The following UBAC2 variants were observed in gnomAD, a reference collection of about 807,000 sequenced individuals.
UBAC2 encodes UBA domain containing 2.
Under a neutral mutation model 44.0 loss-of-function variants are expected in UBAC2, and 26 were observed. The observed-to-expected ratio is 0.59, with a 90% CI of 0.43 to 0.82. The LOEUF (loss-of-function observed/expected upper bound fraction) is 0.82. Among genes scored for constraint, UBAC2 ranks in the 40% least tolerant of loss-of-function variants. The probability of loss-of-function intolerance (pLI) is 0.00; values close to 1 mark genes in which losing one functional copy is unlikely to be tolerated. For synonymous variants in UBAC2, 155 were observed against 154.3 expected, an observed-to-expected ratio of 1.00 and a Z score of -0.04; for missense variants, 329 against 419.4, an observed-to-expected ratio of 0.78 and a Z score of 1.88.
At chr13:99,242,699 C>G (rs12866777) in intron 2 of UBAC2, among the ~76,000 whole-genome samples, 1 of 140,960 alleles carries the variant, frequency 7.1e-6, no homozygotes, top group African/African-American at 2.6e-5. Context: ...CCCCCACCTC[C>G]CTCCCCGACG....
chr13:99,242,506 C>T (rs2043319304), intron 2 of UBAC2, among the ~76,000 whole-genome samples: 1 of 140,010 alleles, frequency 7.1e-6, no homozygotes, highest in Non-Finnish European at 1.6e-5. Flanking sequence ...GGGCGGGGGG[C>T]TGCCCCCCCC....
intron 3 of UBAC2, 40 bp from the exon 4 acceptor site, chr13:99,244,475 A>T (rs774323234): frequency 7.3e-6 from 10 of 1,370,278 alleles, no homozygotes; most frequent in Non-Finnish European, 1.0e-5. Context: ...TATTTTTAGG[A>T]GACTCATCTC....
chr13:99,328,336 T>A (rs988912042), intron 6 of UBAC2, among the ~76,000 whole-genome samples: 3 of 152,218 alleles, frequency 2.0e-5, no homozygotes, highest in Non-Finnish European at 4.4e-5. Flanking sequence ...CACATTTGTG[T>A]GTGGACATAT....
At chr13:99,281,923 C>T (rs1202153934) in intron 4 of UBAC2, among the ~76,000 whole-genome samples, 1 of 152,138 alleles carries the variant, frequency 6.6e-6, no homozygotes, top group Non-Finnish European at 1.5e-5. Context: ...CCTAATGTAT[C>T]CAGTTTAAAA....
At chr13:99,236,884 T>C (rs2043239843) in intron 1 of UBAC2, among the ~76,000 whole-genome samples, 1 of 151,804 alleles carries the variant, frequency 6.6e-6, no homozygotes, top group South Asian at 2.1e-4. Context: ...AAACAGAGGC[T>C]GGCCAGGATG....
intron 7 of UBAC2, among the ~76,000 whole-genome samples, chr13:99,355,349 A>T (rs534731972): frequency 6.6e-6 from 1 of 152,306 alleles, no homozygotes; most frequent in African/African-American, 2.4e-5. Context: ...TTCCATTCTT[A>T]TGTCTTCAAG....
chr13:99,379,156 AGC>A (rs2045519014), intron 8 of UBAC2, among the ~76,000 whole-genome samples: 2 of 152,272 alleles, frequency 1.3e-5, no homozygotes, highest in African/African-American at 4.8e-5. Flanking sequence ...GCTTGAAAAC[AGC>A]AAGGACACAA....
In UBAC2 at chr13:99,338,047, C is replaced by CTTTTTT. The variant is rs869112086; in HGVS notation, c.562-2250_562-2245dup. 1.4e-3 allele frequency among the ~76,000 whole-genome samples: 66 copies of CTTTTTT among 48,858 alleles called. 3 individuals carry two copies. The highest frequency in any genetic ancestry group is 4.8e-3 in the East Asian group (8 of 1,656). 32.1% of individuals were successfully genotyped at this position (48,858 alleles called of 152,430 possible). On this transcript the variant is annotated intron_variant, in intron 6 of 8. Transcript: ENST00000403766. ...ATCTCCTAACTTTTTTTCTTTTTTT[C>CTTTTTT]TTTTTTTTTTTTTTTTTTTTTTTTT...
rs915312978 is a variant in UBAC2 at position 99,243,916 on chromosome 13, A to G, written c.244A>G (p.Ile82Val). 6.4e-7 allele frequency: 1 copy of G among 1,551,680 alleles called. No homozygotes were observed. Among genetic ancestry groups the G allele is most frequent in the Non-Finnish European group, 8.7e-7 (1 of 1,147,650 alleles). Reference protein sequence around the residue: ...CSSLLIYNFRIFERRYGSRKF... With the variant: ...CSSLLIYNFRVFERRYGSRKF... ...TAGTCTGCTTATTTATAATTTTAGG[A>G]TATTTGAAAGAAGATATGGAAGCAG... Residue 82 changes from isoleucine to valine, a missense_variant, in exon 3 of 9, where the codon ATA becomes GTA. By Grantham distance (29) the Ile-to-Val change is conservative. Coordinates refer to ENST00000403766, the MANE Select transcript of UBAC2 (RefSeq NM_001144072.2).
chr13:99,346,709 C>T (rs112759907), intron 7 of UBAC2, among the ~76,000 whole-genome samples: 5 of 152,334 alleles, frequency 3.3e-5, no homozygotes, highest in African/African-American at 1.2e-4. Flanking sequence ...AGGCCTTCCC[C>T]AGCTTCCTGG....
chr13:99,309,034 T>C (rs950570069), intron 4 of UBAC2, among the ~76,000 whole-genome samples: 4 of 152,232 alleles, frequency 2.6e-5, no homozygotes, highest in Non-Finnish European at 5.9e-5. Flanking sequence ...GAAATAGTTA[T>C]ATTAAGTAAA....
At chr13:99,305,776 T>C (rs1370813028) in intron 4 of UBAC2, among the ~76,000 whole-genome samples, 1 of 152,046 alleles carries the variant, frequency 6.6e-6, no homozygotes, top group African/African-American at 2.4e-5. Flanking sequence ...TGTGGTTTTA[T>C]GTCCAAAAAG....
chr13:99,239,346 TC>T, intron 2 of UBAC2, among the ~76,000 whole-genome samples: 1 of 152,246 alleles, frequency 6.6e-6, no homozygotes, highest in Admixed American at 6.5e-5. Context: ...GCAGTCCTTC[TC>T]AACCCCGGAC....
intron 4 of UBAC2, among the ~76,000 whole-genome samples, chr13:99,304,378 T>C (rs2044300592): frequency 1.3e-5 from 2 of 152,162 alleles, no homozygotes; most frequent in Admixed American, 1.3e-4. Flanking sequence ...TGTGGGTGTA[T>C]TTGTGAGAGT....
chr13:99,314,765 T>C (rs2044466160), intron 5 of UBAC2: 1 of 152,426 alleles, frequency 6.6e-6, no homozygotes, highest in African/African-American at 2.4e-5. Flanking sequence ...ACTAGAGTAC[T>C]ACTGTCCAGG....
intron 4 of UBAC2, among the ~76,000 whole-genome samples, chr13:99,268,996 G>A (rs1251920727): frequency 2.0e-5 from 3 of 152,218 alleles, no homozygotes; most frequent in East Asian, 3.8e-4. Flanking sequence ...GGAATGGCCT[G>A]TGGTGAATGA....
At chr13:99,239,863 A>G (rs372858987) in intron 2 of UBAC2, among the ~76,000 whole-genome samples, 1 of 152,196 alleles carries the variant, frequency 6.6e-6, no homozygotes, top group African/African-American at 2.4e-5. Context: ...ACAGGTGTAC[A>G]TGACATCCTT....
chr13:99,312,270 G>T (rs529371537), intron 4 of UBAC2, among the ~76,000 whole-genome samples: 1 of 152,340 alleles, frequency 6.6e-6, no homozygotes, highest in South Asian at 2.1e-4. Context: ...ACAGTTCTTT[G>T]TAGAAGTGAA....
intron 8 of UBAC2, among the ~76,000 whole-genome samples, chr13:99,371,007 A>G (rs189635905): frequency 5.9e-5 from 9 of 152,362 alleles, no homozygotes; most frequent in Admixed American, 5.2e-4. Context: ...TGTTTACTTG[A>G]TACAGCAGTG....
Sources: gnomAD v4.1 joint callset for allele counts (sites outside exome capture counted in the v4.1 genomes callset) on GRCh38, gnomAD v4.1.1 for gene constraint, MANE v1.5 for transcripts, NCBI Gene and HGNC (gene_info 2026-07-23, HGNC 2026-07-21) for gene names.